Variants in AGBL1 observed in about 807,000 individuals in gnomAD.
AGBL1 encodes cytosolic carboxypeptidase 4.
Under a neutral mutation model 118.9 loss-of-function variants are expected in AGBL1, and 130 were observed. The observed-to-expected ratio is 1.09, with a 90% confidence interval of 0.95 to 1.26. The LOEUF is 1.26. Ranked by LOEUF, AGBL1 falls within the 50% of genes most tolerant of loss-of-function variation. The pLI is 0.00. For synonymous variants in AGBL1, 555 were observed against 478.9 expected (o/e 1.16, Z -2.08); for missense variants, 1,584 against 1,298.1 (o/e 1.22, Z -3.38).
chr15:86,150,917 A>G (rs1165222541), intron 3 of AGBL1, among the ~76,000 whole-genome samples: 2 of 151,958 alleles, frequency 1.3e-5, no homozygotes, highest in Admixed American at 6.6e-5. Context: ...GCTTATCTCA[A>G]TGATAGACTG....
intron 18 of AGBL1, among the ~76,000 whole-genome samples, chr15:86,489,299 G>A (rs906268753): frequency 1.1e-4 from 16 of 152,204 alleles, no homozygotes; most frequent in African/African-American, 3.8e-4. Context: ...CCTAGGCAAT[G>A]AACAGTGTGA....
chr15:86,766,869 A>C (rs189092884), intron 22 of AGBL1, among the ~76,000 whole-genome samples: 130 of 141,670 alleles, frequency 9.2e-4, no homozygotes, highest in African/African-American at 3.3e-3. Flanking sequence ...ACACACACAC[A>C]CCCCTCTGCT....
At chr15:86,546,243 A>G (rs541528413) in intron 20 of AGBL1, 110 bp downstream of exon 20, 2 of 1,177,582 alleles carry the variant, frequency 1.7e-6, no homozygotes, top group African/African-American at 3.1e-5. Context: ...TTTTGTAAAT[A>G]AGCATTTTAA....
At chr15:86,304,981 A>C (rs193213011) in intron 17 of AGBL1, 1 of 152,330 alleles carries the variant, frequency 6.6e-6, no homozygotes, top group Non-Finnish European at 1.5e-5. Flanking sequence ...GATGAGGATG[A>C]GATGAACCCC....
At chr15:86,702,864 CA>C (rs11367542) in intron 22 of AGBL1, among the ~76,000 whole-genome samples, 61,366 of 151,584 alleles carry the variant, frequency 0.4, 13,191 homozygotes, top group East Asian at 0.75. Context: ...CGTCAACCTC[CA>C]ATGACTTGGA....
At chr15:86,345,983 C>G (rs2080530559) in intron 17 of AGBL1, among the ~76,000 whole-genome samples, 3 of 151,202 alleles carry the variant, frequency 2.0e-5, no homozygotes, top group South Asian at 4.2e-4. Flanking sequence ...ATACACAGCT[C>G]TTCCTTTTTT....
intron 16 of AGBL1, among the ~76,000 whole-genome samples, chr15:86,287,304 G>A (rs1329579449): frequency 6.6e-6 from 1 of 152,134 alleles, no homozygotes; most frequent in Non-Finnish European, 1.5e-5. Flanking sequence ...TTTGTGGGTT[G>A]TCTCTTTGCT....
At chr15:86,196,175 A>G (rs79264905) in intron 5 of AGBL1, among the ~76,000 whole-genome samples, 1,957 of 152,312 alleles carry the variant, frequency 0.013, 27 homozygotes, top group East Asian at 0.074. Flanking sequence ...CGCATGTAGC[A>G]TGCATTCTGA....
chr15:86,920,457 T>C (rs1444267294), downstream of AGBL1, among the ~76,000 whole-genome samples: 2 of 152,218 alleles, frequency 1.3e-5, no homozygotes, highest in Admixed American at 1.3e-4. Context: ...TAAAACCTAG[T>C]ATAATCACAG....
chr15:86,235,818 A>G (rs1269960527), intron 6 of AGBL1, among the ~76,000 whole-genome samples: 1 of 152,238 alleles, frequency 6.6e-6, no homozygotes, highest in East Asian at 1.9e-4. Flanking sequence ...TGTGGTTGTC[A>G]CATCTGTGGT....
intron 5 of AGBL1, among the ~76,000 whole-genome samples, chr15:86,206,762 C>T (rs1195005495): frequency 2.6e-5 from 4 of 152,146 alleles, no homozygotes; most frequent in Non-Finnish European, 5.9e-5. Context: ...CTGTAGGTTG[C>T]CTGTTCACTC....
intron 21 of AGBL1, among the ~76,000 whole-genome samples, chr15:86,585,859 G>A (rs916302513): frequency 2.0e-5 from 3 of 152,174 alleles, no homozygotes; most frequent in South Asian, 2.1e-4. Context: ...GGAATAATTA[G>A]CAAATTCATA....
In AGBL1 at chr15:86,913,739, A is replaced by T. The variant is rs1442262815; in HGVS notation, c.*6445A>T. On this transcript the variant is annotated 3_prime_UTR_variant, in exon 23 of 23. Coordinates refer to ENST00000614907, the MANE Select transcript of AGBL1 (RefSeq NM_001386094.1). Reference sequence around the variant, plus strand: ...AAAAAATAGCCAGGCGTGATGGTGCATGCCTGTAGTCCCAGCTACTAGGGA... The same window carrying T: ...AAAAAATAGCCAGGCGTGATGGTGCTTGCCTGTAGTCCCAGCTACTAGGGA... 3 of 152,276 alleles carry T rather than the reference A, an allele frequency of 2.0e-5. No individual in the cohort carries two copies. Among genetic ancestry groups the T allele is most frequent in the African/African-American group, 7.2e-5 (3 of 41,426 alleles). The allele number at this position is 152,276 out of a possible 1,614,324, so 9.4% of individuals were successfully genotyped here. A position where few individuals can be genotyped will look rare whatever the true frequency, so the allele number is the denominator to read the frequency against.
chr15:87,028,723 A>C (rs2081758514), intron 24 of AGBL1: 2 of 1,017,188 alleles, frequency 2.0e-6, no homozygotes, highest in Non-Finnish European at 3.0e-6. Context: ...GAGGAAAATG[A>C]ATTTCGTATC....
intron 20 of AGBL1, among the ~76,000 whole-genome samples, chr15:86,547,072 T>C (rs1358683046): frequency 6.6e-6 from 1 of 152,140 alleles, no homozygotes; most frequent in Non-Finnish European, 1.5e-5. Flanking sequence ...CCATCAAAAA[T>C]AGACTGCCGC....
chr15:86,992,177 C>T (rs1448981722), intron 24 of AGBL1, among the ~76,000 whole-genome samples: 1 of 151,924 alleles, frequency 6.6e-6, no homozygotes, highest in African/African-American at 2.4e-5. Flanking sequence ...TAGCACGTGC[C>T]ACACTCTTTT....
At chr15:86,206,349 A>C (rs924270435) in intron 5 of AGBL1, among the ~76,000 whole-genome samples, 1 of 152,184 alleles carries the variant, frequency 6.6e-6, no homozygotes, top group African/African-American at 2.4e-5. Context: ...TGGCTGGGTC[A>C]AATGGTACTT....
chr15:86,744,919 A>G (rs1222550474), intron 22 of AGBL1, among the ~76,000 whole-genome samples: 2 of 152,150 alleles, frequency 1.3e-5, no homozygotes, highest in African/African-American at 4.8e-5. Flanking sequence ...GAGCAGCTCT[A>G]TCCTGCTCTT....
At chr15:86,958,730 A>C (rs1328332194) in intron 23 of AGBL1, among the ~76,000 whole-genome samples, 1 of 152,204 alleles carries the variant, frequency 6.6e-6, no homozygotes, top group Non-Finnish European at 1.5e-5. Context: ...TCAAAGGGAT[A>C]GTTCAGAAGA....
Sources: allele counts gnomAD v4.1 joint callset (sites outside exome capture counted in the v4.1 genomes callset), GRCh38; gene constraint gnomAD v4.1.1; transcripts MANE v1.5; gene names NCBI Gene and HGNC (gene_info 2026-07-23, HGNC 2026-07-21).